YIPF7: variants seen among roughly 807,000 people sequenced by gnomAD.
The protein encoded by YIPF7 is Yip1 domain family member 7, also known as protein YIPF7.
In YIPF7, 35 loss-of-function variants were observed where a neutral mutation model predicts 27.2. The ratio of observed to expected loss-of-function variants is 1.29; its 90% confidence interval spans 0.98 to 1.70. The LOEUF (loss-of-function observed/expected upper bound fraction) is 1.70, where lower values mean the gene tolerates loss of function less well. Among genes scored for constraint, YIPF7 ranks in the 40% most tolerant of loss-of-function variants. YIPF7 has a pLI of 0.00. For missense variants in YIPF7, 358 were observed against 303.7 expected (o/e 1.18, Z -1.33); for synonymous variants, 137 against 110.4 (o/e 1.24, Z -1.51).
chr4:44,630,545 T>A lies in YIPF7; in HGVS notation c.281-997A>T, dbSNP rs1234812526. ...GAAGTTGAGTCTATGCATTCAAAGA[T>A]TAAATTCTTGAGACGAGTTAACCTT... is the stretch of plus-strand genomic sequence containing the variant. On this transcript the variant is annotated intron_variant, in intron 3 of 5. Transcript: ENST00000415895. Among the ~76,000 whole-genome samples the A allele has an allele frequency of 3.9e-5, 6 of 152,228 alleles. No individual in the cohort carries two copies. The East Asian group carries it at 1.2e-3, about 29-fold the overall frequency.
Position 44,622,549 on chromosome 4 carries a change from C to G in YIPF7, c.636G>C (p.Leu212=). 6.2e-7 allele frequency: 1 copy of G among 1,613,642 alleles called. No homozygotes were observed. The highest frequency in any genetic ancestry group is 1.3e-5 in the African/African-American group (1 of 75,016). ...LQGIFGIMSS[L]VIIGWCSLSA... The stretch of plus-strand genomic sequence containing the variant: ...AGAGACTACACCAGCCAATGATGAC[C>G]AGGGATGACATGATTCCAAAGATGC... The change falls in exon 6 of 6, where the codon CTG becomes CTC. Residue 212 remains leucine (L), a synonymous_variant. Transcript: ENST00000415895.
upstream of YIPF7, among the ~76,000 whole-genome samples, chr4:44,652,042 T>C (rs1713753871): frequency 6.6e-6 from 1 of 152,208 alleles, no homozygotes; most frequent in South Asian, 2.1e-4. Flanking sequence ...TCAGAGCTAT[T>C]CTATTTATAT....
intron 2 of YIPF7, 121 bp from the exon 3 acceptor site, chr4:44,636,206 GA>G (rs1430352125): frequency 9.7e-7 from 1 of 1,033,536 alleles, no homozygotes; most frequent in Non-Finnish European, 1.3e-6. Context: ...ACTCATGAAA[GA>G]AACAACTTAC....
chr4:44,648,753 AT>A (rs561048785), intron 2 of YIPF7, among the ~76,000 whole-genome samples: 1 of 152,066 alleles, frequency 6.6e-6, no homozygotes, highest in African/African-American at 2.4e-5. Context: ...TATTATCATA[AT>A]TTTTTTCATA....
chr4:44,645,415 A>G (rs1050867488), intron 2 of YIPF7, among the ~76,000 whole-genome samples: 21 of 152,166 alleles, frequency 1.4e-4, no homozygotes, highest in Admixed American at 1.4e-3. Flanking sequence ...ACACTTCACT[A>G]TTTGCTCTAT....
intron 1 of YIPF7, among the ~76,000 whole-genome samples, chr4:44,650,542 G>T (rs1192799689): frequency 6.9e-6 from 1 of 144,230 alleles, no homozygotes; most frequent in African/African-American, 2.6e-5. Flanking sequence ...CTTGTACCAA[G>T]GATTATTATC....
intron 3 of YIPF7, 137 bp downstream of exon 3, chr4:44,635,785 T>C (rs1480980724): frequency 1.9e-6 from 2 of 1,048,684 alleles, no homozygotes; most frequent in Non-Finnish European, 2.6e-6. Context: ...AGGGTTTTGG[T>C]TCAGCAAACT....
In YIPF7 at chr4:44,629,524, A is replaced by G; in HGVS notation, c.305T>C (p.Ile102Thr). 1 of 1,555,424 alleles carries G rather than the reference A, an allele frequency of 6.4e-7. No homozygotes were observed. ...TAACACTGTCAAAGTTTTTTGCCATATGTGATCAAAATGGATTCCAAGTTC... is the reference window on the plus strand; with the variant it reads ...TAACACTGTCAAAGTTTTTTGCCATGTGTGATCAAAATGGATTCCAAGTTC... ...LEELGIHFDH[I>T]WQKTLTVLNP... The change falls in exon 4 of 6, where the codon ATA becomes ACA. Residue 102 changes from isoleucine (I) to threonine (T), a missense_variant. Ile to Thr is a moderately conservative substitution (Grantham distance 89, BLOSUM62 -1). Coordinates refer to ENST00000415895, the MANE Select transcript of YIPF7 (RefSeq NM_182592.3).
intron 3 of YIPF7, among the ~76,000 whole-genome samples, chr4:44,634,705 GA>G (rs1314277088): frequency 6.6e-6 from 1 of 152,080 alleles, no homozygotes; most frequent in Non-Finnish European, 1.5e-5. Flanking sequence ...AAGGCTAGAA[GA>G]AAATACATCA....
At chr4:44,660,815 C>T (rs1357331702) in intron 1 of YIPF7, among the ~76,000 whole-genome samples, 1 of 152,116 alleles carries the variant, frequency 6.6e-6, no homozygotes, top group Non-Finnish European at 1.5e-5. Context: ...CTCAAAGGGT[C>T]CCAGGCTTAG....
intron 2 of YIPF7, among the ~76,000 whole-genome samples, chr4:44,641,589 A>T (rs1389585564): frequency 2.6e-5 from 4 of 152,290 alleles, no homozygotes; most frequent in African/African-American, 9.6e-5. Context: ...TTTCTTTATG[A>T]TAAAATATTT....
At chr4:44,631,812 T>A (rs1287215495) in intron 3 of YIPF7, among the ~76,000 whole-genome samples, 3 of 152,300 alleles carry the variant, frequency 2.0e-5, no homozygotes, top group Non-Finnish European at 2.9e-5. Context: ...TATTTTAAAT[T>A]AATTAATTTT....
upstream of YIPF7, among the ~76,000 whole-genome samples, chr4:44,652,791 CTT>C (rs1457971850): frequency 6.6e-6 from 1 of 152,126 alleles, no homozygotes; most frequent in Non-Finnish European, 1.5e-5. Flanking sequence ...GTTCTACAAA[CTT>C]TAAGTCATTT....
In YIPF7 at chr4:44,625,800, G is replaced by A. The variant is rs147250583; in HGVS notation, c.427-1018C>T. Among the ~76,000 whole-genome samples the A allele has an allele frequency of 1.3e-3, 198 of 152,204 alleles. 6 individuals carry two copies. In the East Asian group the frequency reaches 0.036, roughly 28 times the overall value. ...TTCAGAAGAGGATATTTTAATGTTTGCTATCTGAGAATACCAAAGCTACAG... is the reference window on the plus strand; with the variant it reads ...TTCAGAAGAGGATATTTTAATGTTTACTATCTGAGAATACCAAAGCTACAG... On this transcript the variant is annotated intron_variant, in intron 4 of 5. Coordinates refer to ENST00000415895, the MANE Select transcript of YIPF7 (RefSeq NM_182592.3).
intron 1 of YIPF7, among the ~76,000 whole-genome samples, chr4:44,661,360 A>C (rs891533356): frequency 1.3e-5 from 2 of 152,194 alleles, no homozygotes; most frequent in Non-Finnish European, 2.9e-5. Context: ...AAATATTAAC[A>C]TCCTACAAGA....
At chr4:44,636,292 A>G (rs1032802189) in intron 2 of YIPF7, among the ~76,000 whole-genome samples, 1 of 152,212 alleles carries the variant, frequency 6.6e-6, no homozygotes, top group African/African-American at 2.4e-5. Flanking sequence ...ATCCACGCCA[A>G]TAAACATTAA....
At chr4:44,649,845 T>C in intron 2 of YIPF7, 140 bp downstream of exon 2, 1 of 561,310 alleles carries the variant, frequency 1.8e-6, no homozygotes, top group East Asian at 3.2e-5. Context: ...TGGATTTTTT[T>C]TGTGGGTCTA....
chr4:44,640,724 C>A (rs1713295396), intron 2 of YIPF7, among the ~76,000 whole-genome samples: 3 of 152,168 alleles, frequency 2.0e-5, no homozygotes, highest in Admixed American at 6.5e-5. Context: ...CAACTCTCAT[C>A]CTGCTCAAGT....
At chr4:44,637,615 T>C (rs1713174410) in intron 2 of YIPF7, among the ~76,000 whole-genome samples, 1 of 152,124 alleles carries the variant, frequency 6.6e-6, no homozygotes, top group South Asian at 2.1e-4. Flanking sequence ...TTTCCATAGG[T>C]TTTGGGGGAA....
Sources: allele counts gnomAD v4.1 joint callset (sites outside exome capture counted in the v4.1 genomes callset), GRCh38; gene constraint gnomAD v4.1.1; transcripts MANE v1.5; gene names NCBI Gene and HGNC (gene_info 2026-07-23, HGNC 2026-07-21).